CCSER1: variants seen among roughly 807,000 people sequenced by gnomAD.
CCSER1 encodes coiled-coil serine rich protein 1, also known as serine-rich coiled-coil domain-containing protein 1.
CCSER1 carries 41 observed loss-of-function variants against 82.0 expected under a neutral mutation model. The ratio of observed to expected loss-of-function variants is 0.50; its 90% CI spans 0.39 to 0.65. CCSER1 has a LOEUF of 0.65. CCSER1 is among the 30% of genes least tolerant of loss of function. The pLI is 0.00. For missense variants in CCSER1, 1,119 were observed against 1,064.2 expected (o/e 1.05, Z -0.72); for synonymous variants, 414 against 383.9 (o/e 1.08, Z -0.92).
intron 10 of CCSER1, among the ~76,000 whole-genome samples, chr4:91,522,499 C>T (rs1760534015): frequency 1.3e-5 from 2 of 152,306 alleles, no homozygotes; most frequent in South Asian, 2.1e-4. Flanking sequence ...TTCTTCCTAT[C>T]CATGAGCATG....
At chr4:91,038,393 C>T (rs916912912) in intron 9 of CCSER1, among the ~76,000 whole-genome samples, 7 of 149,724 alleles carry the variant, frequency 4.7e-5, no homozygotes, top group Non-Finnish European at 8.9e-5. Flanking sequence ...GCTAATGTTC[C>T]TTAACCAAGG....
At chr4:91,509,448 G>A (rs1223852074) in intron 10 of CCSER1, among the ~76,000 whole-genome samples, 4 of 151,790 alleles carry the variant, frequency 2.6e-5, no homozygotes, top group Non-Finnish European at 4.4e-5. Flanking sequence ...AATATATTTT[G>A]TATGGCTTTA....
At chr4:90,258,221 T>A (rs896180895) in intron 1 of CCSER1, among the ~76,000 whole-genome samples, 1 of 152,136 alleles carries the variant, frequency 6.6e-6, no homozygotes, top group African/African-American at 2.4e-5. Flanking sequence ...TTTACTCATT[T>A]AAAAAAATAT....
chr4:90,227,938 G>A (rs1325361289), intron 1 of CCSER1, among the ~76,000 whole-genome samples: 7 of 152,342 alleles, frequency 4.6e-5, no homozygotes, highest in African/African-American at 1.7e-4. Context: ...GCCGCACCAG[G>A]AGATTATATC....
At chr4:90,642,895 T>G (rs75234529) in intron 6 of CCSER1, among the ~76,000 whole-genome samples, 2 of 33,278 alleles carry the variant, frequency 6.0e-5, no homozygotes, top group East Asian at 1.7e-3. Flanking sequence ...TATTTTCTGT[T>G]TTTTTTTTTT....
intron 10 of CCSER1, among the ~76,000 whole-genome samples, chr4:91,462,768 A>G (rs1366912489): frequency 2.0e-5 from 3 of 152,142 alleles, no homozygotes; most frequent in Admixed American, 1.3e-4. Context: ...TTGCTAGCAC[A>G]GCAGTCAGAG....
At chr4:90,900,422 G>A (rs72663702) in intron 8 of CCSER1, among the ~76,000 whole-genome samples, 594 of 151,638 alleles carry the variant, frequency 3.9e-3, no homozygotes, top group Middle Eastern at 0.014. Context: ...ATTTTATTTC[G>A]TTTGAAATTT....
chr4:90,312,154 T>C (rs984375309), intron 2 of CCSER1, among the ~76,000 whole-genome samples: 2 of 152,102 alleles, frequency 1.3e-5, no homozygotes, highest in African/African-American at 2.4e-5. Context: ...GAGAGAAATA[T>C]ATTAGTGCAA....
chr4:90,790,548 A>AT (rs34761040), intron 7 of CCSER1, among the ~76,000 whole-genome samples: 5 of 151,662 alleles, frequency 3.3e-5, no homozygotes, highest in South Asian at 2.1e-4. Context: ...TTCTGGATAC[A>AT]TTTTTTTTCC....
chr4:90,229,003 A>C (rs148785888), intron 1 of CCSER1, among the ~76,000 whole-genome samples: 6,399 of 152,252 alleles, frequency 0.042, 225 homozygotes, highest in Non-Finnish European at 0.062. Flanking sequence ...GATTGGTGTA[A>C]CTGAAAGTGA....
In CCSER1 at chr4:90,582,277, G is replaced by A. The variant is rs554838704; in HGVS notation, c.1725-45748G>A. On this transcript the variant is annotated intron_variant, in intron 5 of 10. Coordinates refer to ENST00000509176, the MANE Select transcript of CCSER1 (RefSeq NM_001145065.2). ...TAGCTGGCAAAGGGCCAGTTCTGAA[G>A]ACAGGCTTTTCCTGGGAATGTGCAG... is the stretch of plus-strand genomic sequence containing the variant. Among the ~76,000 whole-genome samples the A allele has an allele frequency of 3.0e-4, 45 of 152,314 alleles. 1 individual carries two copies. In the South Asian group the frequency reaches 8.9e-3, roughly 30 times the overall value.
intron 3 of CCSER1, among the ~76,000 whole-genome samples, chr4:90,313,602 G>T (rs944562315): frequency 1.4e-4 from 22 of 152,108 alleles, no homozygotes; most frequent in Admixed American, 1.2e-3. Context: ...AAATTGTAGA[G>T]CCTGCTTTTA....
chr4:90,208,241 T>G (rs1224282444), intron 1 of CCSER1, among the ~76,000 whole-genome samples: 1 of 152,070 alleles, frequency 6.6e-6, no homozygotes, highest in Non-Finnish European at 1.5e-5. Flanking sequence ...GCTACAGTGG[T>G]TTTGTGGCGC....
chr4:91,344,647 GA>G (rs540662448), intron 10 of CCSER1, among the ~76,000 whole-genome samples: 4,104 of 138,680 alleles, frequency 0.03, 149 homozygotes, highest in African/African-American at 0.089. Context: ...GTCTACAAAG[GA>G]AAAAAAAAAA....
chr4:90,994,494 TAA>T (rs148458882), intron 9 of CCSER1, among the ~76,000 whole-genome samples: 1 of 148,648 alleles, frequency 6.7e-6, no homozygotes, highest in Non-Finnish European at 1.5e-5. Flanking sequence ...CATGGTAAAG[TAA>T]AAAAAAAAAT....
At chr4:90,466,385 C>T (rs115346725) in intron 4 of CCSER1, among the ~76,000 whole-genome samples, 2,519 of 152,262 alleles carry the variant, frequency 0.017, 68 homozygotes, top group African/African-American at 0.058. Flanking sequence ...CAGAGTGGTC[C>T]CTCGTCACAA....
At chr4:90,590,886 G>T (rs1782609133) in intron 5 of CCSER1, among the ~76,000 whole-genome samples, 1 of 152,104 alleles carries the variant, frequency 6.6e-6, no homozygotes, top group Non-Finnish European at 1.5e-5. Context: ...AATTACTTTG[G>T]GCAGTATGGC....
intron 1 of CCSER1, among the ~76,000 whole-genome samples, chr4:90,141,426 A>G (rs918857785): frequency 6.6e-6 from 1 of 152,166 alleles, no homozygotes; most frequent in African/African-American, 2.4e-5. Flanking sequence ...TAATATGTTA[A>G]GCTCTTTCTG....
intron 10 of CCSER1, among the ~76,000 whole-genome samples, chr4:91,503,149 T>C (rs1268222913): frequency 1.3e-5 from 2 of 152,022 alleles, no homozygotes; most frequent in Non-Finnish European, 2.9e-5. Context: ...GAGACCATCC[T>C]GGCTAACATG....
Sources: gnomAD v4.1 joint callset for allele counts (sites outside exome capture counted in the v4.1 genomes callset) on GRCh38, gnomAD v4.1.1 for gene constraint, MANE v1.5 for transcripts, NCBI Gene and HGNC (gene_info 2026-07-23, HGNC 2026-07-21) for gene names.